Variants in GALNTL6 observed in about 807,000 individuals in gnomAD.
The protein encoded by GALNTL6 is polypeptide N-acetylgalactosaminyltransferase-like 6.
In GALNTL6, 46 loss-of-function variants were observed where a neutral mutation model predicts 73.7. That is an observed-to-expected ratio of 0.62 (90% confidence interval 0.49 to 0.80). The LOEUF (loss-of-function observed/expected upper bound fraction) is 0.80. GALNTL6 is among the 30% of genes least tolerant of loss of function. The probability of loss-of-function intolerance (pLI) is 0.00; values close to 1 mark genes in which losing one functional copy is unlikely to be tolerated. For missense variants in GALNTL6, 604 were observed against 755.0 expected (o/e 0.80, Z 2.34); for synonymous variants, 259 against 263.7 (o/e 0.98, Z 0.17).
chr4:172,908,386 T>A (rs1408492104), intron 8 of GALNTL6, among the ~76,000 whole-genome samples: 1 of 152,126 alleles, frequency 6.6e-6, no homozygotes, highest in Non-Finnish European at 1.5e-5. Flanking sequence ...TCTAGGAATT[T>A]TTCCATTAAA....
At chr4:172,678,350 A>ACT (rs1732426841) in intron 5 of GALNTL6, among the ~76,000 whole-genome samples, 1 of 148,836 alleles carries the variant, frequency 6.7e-6, no homozygotes, top group Non-Finnish European at 1.5e-5. Flanking sequence ...ACTAATTACT[A>ACT]TTTTTTTTTT....
chr4:172,963,652 G>A (rs925113114), intron 10 of GALNTL6, among the ~76,000 whole-genome samples: 4 of 152,172 alleles, frequency 2.6e-5, no homozygotes, highest in East Asian at 1.9e-4. Flanking sequence ...ACCTGTGTGT[G>A]TGAAGCCACC....
intron 2 of GALNTL6, among the ~76,000 whole-genome samples, chr4:171,881,426 A>G (rs1736446091): frequency 6.6e-6 from 1 of 152,102 alleles, no homozygotes; most frequent in South Asian, 2.1e-4. Context: ...TCATGGGGGC[A>G]GGGAGGCTAG....
intron 7 of GALNTL6, among the ~76,000 whole-genome samples, chr4:172,843,195 G>A (rs958937385): frequency 1.3e-5 from 2 of 152,112 alleles, no homozygotes; most frequent in African/African-American, 4.8e-5. Flanking sequence ...GCAGATTAAG[G>A]TTCAGGAAAA....
intron 2 of GALNTL6, among the ~76,000 whole-genome samples, chr4:172,145,225 C>A (rs1273576147): frequency 6.6e-6 from 1 of 152,018 alleles, no homozygotes; most frequent in East Asian, 1.9e-4. Flanking sequence ...CTGCAAGCTC[C>A]ACCTCCTGGG....
At chr4:172,496,335 C>T (rs1434423480) in intron 5 of GALNTL6, among the ~76,000 whole-genome samples, 2 of 152,162 alleles carry the variant, frequency 1.3e-5, no homozygotes, top group Non-Finnish European at 2.9e-5. Context: ...GCTAAAGAGT[C>T]AATTTCTGTC....
At chr4:172,987,163 C>G (rs952210322) in intron 10 of GALNTL6, among the ~76,000 whole-genome samples, 1 of 152,064 alleles carries the variant, frequency 6.6e-6, no homozygotes, top group Non-Finnish European at 1.5e-5. Context: ...TCTCACACTG[C>G]TAATAAAGAC....
chr4:173,008,689 G>A (rs558388246), intron 10 of GALNTL6, among the ~76,000 whole-genome samples: 58 of 152,332 alleles, frequency 3.8e-4, no homozygotes, highest in African/African-American at 1.3e-3. Context: ...AGCAGCATAA[G>A]GTCATGGGAC....
intron 3 of GALNTL6, among the ~76,000 whole-genome samples, chr4:172,256,189 A>G (rs1002373867): frequency 1.8e-4 from 27 of 151,286 alleles, no homozygotes; most frequent in East Asian, 9.7e-4. Context: ...CCTTAATTTC[A>G]TTTTTTCTTC....
intron 2 of GALNTL6, among the ~76,000 whole-genome samples, chr4:172,082,467 G>GCT: frequency 6.6e-6 from 1 of 152,130 alleles, no homozygotes; most frequent in South Asian, 2.1e-4. Flanking sequence ...TGCAGTTATA[G>GCT]ATGAGATTAC....
intron 5 of GALNTL6, among the ~76,000 whole-genome samples, chr4:172,351,978 G>A (rs1328519533): frequency 6.6e-6 from 1 of 151,988 alleles, no homozygotes; most frequent in African/African-American, 2.4e-5. Context: ...CAATAGAACA[G>A]CTATACATGA....
At chr4:173,019,837 C>T (rs1752926534) in intron 11 of GALNTL6, among the ~76,000 whole-genome samples, 2 of 152,224 alleles carry the variant, frequency 1.3e-5, no homozygotes, top group Non-Finnish European at 2.9e-5. Flanking sequence ...TCAGATTCCT[C>T]ACCACTTAAC....
chr4:172,778,789 G>C (rs1359627896), intron 5 of GALNTL6, among the ~76,000 whole-genome samples: 1 of 152,130 alleles, frequency 6.6e-6, no homozygotes, highest in Non-Finnish European at 1.5e-5. Flanking sequence ...TAGCTACAAG[G>C]ACTGAAAAAG....
At position 172,522,675 on chromosome 4, in the gene GALNTL6, C is replaced by G. The variant is rs906043606; in HGVS notation, c.553+173986C>G. On this transcript the variant is annotated intron_variant, in intron 5 of 12. Transcript: ENST00000506823. ...ACGAGTGAAACTCAGTCCCCCCCCC[C>G]CCCAAAAAAAAAGTGTATTTTACTG... Among the ~76,000 whole-genome samples the G allele has an allele frequency of 5.6e-4, 36 of 63,930 alleles. 1 individual carries two copies. The highest frequency in any genetic ancestry group is 1.8e-3 in the South Asian group (2 of 1,098). The allele number at this position is 63,930 out of a possible 152,430, so 41.9% of individuals were successfully genotyped here.
At chr4:172,867,854 C>G (rs1028969333) in intron 7 of GALNTL6, among the ~76,000 whole-genome samples, 4 of 152,220 alleles carry the variant, frequency 2.6e-5, no homozygotes, top group African/African-American at 9.6e-5. Context: ...ATATGGTTAT[C>G]TGAACCATCC....
intron 7 of GALNTL6, among the ~76,000 whole-genome samples, chr4:172,877,616 C>T (rs1400184359): frequency 6.6e-6 from 1 of 151,502 alleles, no homozygotes; most frequent in Non-Finnish European, 1.5e-5. Context: ...AACTAGTCTA[C>T]CATATGAGTA....
chr4:171,949,252 C>T (rs1442008286), intron 2 of GALNTL6, among the ~76,000 whole-genome samples: 1 of 152,128 alleles, frequency 6.6e-6, no homozygotes, highest in Admixed American at 6.6e-5. Context: ...CTTTAAGATA[C>T]ATTAAGAAAA....
chr4:172,191,569 T>A (rs1372649465), intron 2 of GALNTL6, among the ~76,000 whole-genome samples: 7 of 152,212 alleles, frequency 4.6e-5, no homozygotes, highest in African/African-American at 1.2e-4. Flanking sequence ...CACTTTGGAT[T>A]CACTTCAGTC....
intron 5 of GALNTL6, among the ~76,000 whole-genome samples, chr4:172,781,172 C>T (rs1354734431): frequency 6.6e-6 from 1 of 152,104 alleles, no homozygotes; most frequent in Non-Finnish European, 1.5e-5. Flanking sequence ...AGGAGAGCAG[C>T]GACAGGTACC....
Sources: allele counts gnomAD v4.1 joint callset (sites outside exome capture counted in the v4.1 genomes callset), GRCh38; gene constraint gnomAD v4.1.1; transcripts MANE v1.5; gene names NCBI Gene and HGNC (gene_info 2026-07-23, HGNC 2026-07-21).